TXNDC12: variants seen among roughly 807,000 people sequenced by gnomAD.
The protein encoded by TXNDC12 is thioredoxin domain containing 12.
TXNDC12 carries 22 observed loss-of-function variants against 24.2 expected under a neutral mutation model. The ratio of observed to expected loss-of-function variants is 0.91; its 90% CI spans 0.65 to 1.30. TXNDC12 has a LOEUF of 1.30. Among genes scored for constraint, TXNDC12 ranks in the 50% most tolerant of loss-of-function variants. TXNDC12 has a pLI of 0.00. For synonymous variants in TXNDC12, 58 were observed against 73.4 expected (o/e 0.79, Z 1.07); for missense variants, 184 against 205.8 (o/e 0.89, Z 0.65).
At chr1:52,028,283 C>T (rs1228391362) in intron 3 of TXNDC12, among the ~76,000 whole-genome samples, 2 of 152,132 alleles carry the variant, frequency 1.3e-5, no homozygotes, top group Non-Finnish European at 2.9e-5. Context: ...GTCCTACTTC[C>T]TTCTCATGTC....
chr1:52,048,135 C>T (rs1008237671), intron 1 of TXNDC12, among the ~76,000 whole-genome samples: 12 of 152,060 alleles, frequency 7.9e-5, no homozygotes, highest in Non-Finnish European at 2.9e-5. Context: ...AATTGTCAGA[C>T]TTGGTTTAAG....
chr1:52,047,961 TAAAATA>T (rs1686128311), intron 1 of TXNDC12, among the ~76,000 whole-genome samples: 1 of 150,100 alleles, frequency 6.7e-6, no homozygotes, highest in Non-Finnish European at 1.5e-5. Flanking sequence ...ATAAAGGAGA[TAAAATA>T]AGAACAAGCA....
chr1:52,055,486 T>A (rs1418160839), upstream of TXNDC12: 1 of 217,664 alleles, frequency 4.6e-6, no homozygotes, highest in Admixed American at 5.4e-5. Context: ...CAAGAACCGC[T>A]GCACTTCCTA....
At chr1:52,048,473 TAAAA>T (rs57230386) in intron 1 of TXNDC12, among the ~76,000 whole-genome samples, 14 of 118,772 alleles carry the variant, frequency 1.2e-4, no homozygotes, top group Non-Finnish European at 1.6e-4. Context: ...TTCTTTTCTT[TAAAA>T]AAAAAAAAAA....
chr1:52,031,642 C>T (rs1685763007), intron 2 of TXNDC12, among the ~76,000 whole-genome samples: 2 of 152,070 alleles, frequency 1.3e-5, no homozygotes, highest in Non-Finnish European at 2.9e-5. Flanking sequence ...ACAGGCACAC[C>T]ATCACGCCCA....
intron 2 of TXNDC12, chr1:52,033,687 C>T (rs1440789722): frequency 1.2e-6 from 2 of 1,611,000 alleles, no homozygotes; most frequent in African/African-American, 2.7e-5. Flanking sequence ...CCTCGGCAGC[C>T]AGCGCCACGC....
At chr1:52,024,704 T>C in intron 4 of TXNDC12, 125 bp from the exon 5 acceptor site, 1 of 688,180 alleles carries the variant, frequency 1.5e-6, no homozygotes, top group African/African-American at 1.8e-5. Context: ...AGGCCCTACA[T>C]GATCTATCAC....
intron 1 of TXNDC12, among the ~76,000 whole-genome samples, chr1:52,050,014 T>TG (rs1483812003): frequency 6.6e-6 from 1 of 152,216 alleles, no homozygotes; most frequent in African/African-American, 2.4e-5. Flanking sequence ...GAAGCTGAAC[T>TG]GAAACAGCTT....
At chr1:52,054,851 A>C (rs1686300210) in intron 1 of TXNDC12, 149 bp downstream of exon 1, 2 of 595,200 alleles carry the variant, frequency 3.4e-6, no homozygotes, top group Non-Finnish European at 6.0e-6. Context: ...AGAAATCTTC[A>C]AACTCCAGGA....
intron 2 of TXNDC12, among the ~76,000 whole-genome samples, chr1:52,029,282 G>T (rs1685718801): frequency 6.6e-6 from 1 of 152,144 alleles, no homozygotes; most frequent in Non-Finnish European, 1.5e-5. Flanking sequence ...GAGCCTAAAA[G>T]AAAATGTACC....
At chr1:52,054,951 G>C (rs764023193) in intron 1 of TXNDC12, 49 bp downstream of exon 1, 1 of 1,346,540 alleles carries the variant, frequency 7.4e-7, no homozygotes, top group South Asian at 1.2e-5. Flanking sequence ...ATTATACTGG[G>C]ATCAGTATAG....
intron 5 of TXNDC12, among the ~76,000 whole-genome samples, chr1:52,023,940 A>C (rs1430426652): frequency 6.6e-6 from 1 of 151,974 alleles, no homozygotes. Context: ...ACAGTGCTTG[A>C]CATATGGCTG....
At chr1:52,024,970 TTTC>T (rs1255858497) in intron 4 of TXNDC12, among the ~76,000 whole-genome samples, 1 of 152,254 alleles carries the variant, frequency 6.6e-6, no homozygotes, top group African/African-American at 2.4e-5. Context: ...CCCTTCCACC[TTTC>T]TTTTTTAGCC....
intron 2 of TXNDC12, chr1:52,032,899 G>A (rs1196146426): frequency 6.2e-7 from 1 of 1,612,758 alleles, no homozygotes; most frequent in East Asian, 2.2e-5. Context: ...GCTCTTCTGC[G>A]CTTCCATCAA....
At chr1:52,045,724 T>C (rs1456343880) in intron 1 of TXNDC12, among the ~76,000 whole-genome samples, 2 of 152,124 alleles carry the variant, frequency 1.3e-5, no homozygotes, top group African/African-American at 4.8e-5. Context: ...GGGACTTTGG[T>C]TAATAATAAT....
In TXNDC12 at chr1:52,024,512, AG is replaced by A. The variant is rs1226369039; in HGVS notation, c.352del (p.Leu118TrpfsTer34). 2 of 1,611,924 alleles carry A rather than the reference AG, an allele frequency of 1.2e-6. No individual in the cohort carries two copies. Among genetic ancestry groups the A allele is most frequent in the Non-Finnish European group, 1.7e-6 (2 of 1,178,450 alleles). On this transcript the variant is annotated frameshift_variant, in exon 5 of 7. Coordinates refer to ENST00000371626, the MANE Select transcript of TXNDC12 (RefSeq NM_015913.4). LOFTEE classifies it high-confidence loss of function. ...CAGGTTAAGATCATGTGCCTTACCCAGAAAAAGGATTCGTGGAATATAACCC... is the reference window on the plus strand; with the variant it reads ...CAGGTTAAGATCATGTGCCTTACCCAAAAAAGGATTCGTGGAATATAACCC... ...DGGYIPRILF[L>X]DPSGKVHPEI...
At chr1:52,028,424 A>C (rs946465516) in intron 3 of TXNDC12, among the ~76,000 whole-genome samples, 154 bp downstream of exon 3, 4 of 152,162 alleles carry the variant, frequency 2.6e-5, no homozygotes, top group South Asian at 2.1e-4. Context: ...TATAATTGCA[A>C]ATTTCATGAA....
chr1:52,038,663 T>C (rs1685928524), intron 2 of TXNDC12, among the ~76,000 whole-genome samples: 1 of 152,192 alleles, frequency 6.6e-6, no homozygotes, highest in African/African-American at 2.4e-5. Flanking sequence ...CCATCATTTG[T>C]TGTCATTAAA....
chr1:52,045,924 C>G (rs1206048183), intron 1 of TXNDC12, among the ~76,000 whole-genome samples: 1 of 152,126 alleles, frequency 6.6e-6, no homozygotes, highest in African/African-American at 2.4e-5. Flanking sequence ...TGTTAAGACA[C>G]AGTTTGGGCT....
Sources: gnomAD v4.1 joint callset for allele counts (sites outside exome capture counted in the v4.1 genomes callset) on GRCh38, gnomAD v4.1.1 for gene constraint, MANE v1.5 for transcripts, NCBI Gene and HGNC (gene_info 2026-07-23, HGNC 2026-07-21) for gene names.